Variants in BRAF observed in about 807,000 individuals in gnomAD.
BRAF encodes B-Raf proto-oncogene, serine/threonine kinase, also known as serine/threonine-protein kinase B-raf.
BRAF carries 16 observed loss-of-function variants against 104.6 expected under a neutral mutation model. The observed-to-expected ratio is 0.15, with a 90% confidence interval of 0.10 to 0.23. The LOEUF (loss-of-function observed/expected upper bound fraction) is 0.23. Ranked by LOEUF, BRAF falls within the 10% of genes least tolerant of loss-of-function variation. The pLI, the probability that BRAF is intolerant of heterozygous loss-of-function variation, is 1.00. For missense variants in BRAF, 541 were observed against 937.3 expected, an observed-to-expected ratio of 0.58 and a Z score of 5.52; for synonymous variants, 310 against 341.6, an observed-to-expected ratio of 0.91 and a Z score of 1.02.
In BRAF at chr7:140,842,066, G is replaced by A. The variant is rs372707228; in HGVS notation, c.241-7194C>T. Among the ~76,000 whole-genome samples the A allele has an allele frequency of 2.5e-3, 374 of 152,220 alleles. 3 individuals carry two copies. Among genetic ancestry groups the A allele is most frequent in the African/African-American group, 8.6e-3 (358 of 41,532 alleles). On this transcript the variant is annotated intron_variant, in intron 2 of 19. Coordinates refer to ENST00000644969, the MANE Select transcript of BRAF (RefSeq NM_001374258.1). ...ATAATGGACTGTTCTGCATTCCACA[G>A]GAAGCATCCAGCTTCCAGTATTAAT...
chr7:140,834,897 T>C, intron 2 of BRAF, 25 bp from the exon 3 acceptor site: 1 of 1,613,582 alleles, frequency 6.2e-7, no homozygotes. Context: ...AGACTTATAT[T>C]CAATCCGGAC....
chr7:140,826,531 T>C (rs1022937823), intron 3 of BRAF, among the ~76,000 whole-genome samples: 18 of 152,182 alleles, frequency 1.2e-4, no homozygotes, highest in Non-Finnish European at 5.9e-5. Context: ...GAGATAGAAA[T>C]GAAATAGTGG....
chr7:140,887,738 AG>A (rs1262705978), intron 1 of BRAF, among the ~76,000 whole-genome samples: 6 of 152,162 alleles, frequency 3.9e-5, no homozygotes, highest in African/African-American at 1.4e-4. Flanking sequence ...TTTGAGATGT[AG>A]GGTTTCACTC....
Position 140,783,372 on chromosome 7 carries a change from A to G in BRAF, c.1298-215T>C, listed in dbSNP as rs900557108. On this transcript the variant is annotated intron_variant, in intron 10 of 19. Coordinates refer to ENST00000644969, the MANE Select transcript of BRAF (RefSeq NM_001374258.1). ...TCTGGCCAATTTAATGACCTTTAAG[A>G]TATCTGATGATAGACATAGACACAT... 6 of 552,876 alleles carry G rather than the reference A, an allele frequency of 1.1e-5. No homozygotes were observed. In the African/African-American group the frequency reaches 1.1e-4, roughly 10 times the overall value. The allele number at this position is 552,876 out of a possible 1,614,324, so 34.2% of individuals were successfully genotyped here. A position where few individuals can be genotyped will look rare whatever the true frequency, so the allele number is the denominator to read the frequency against.
At chr7:140,911,734 G>A (rs933845709) in intron 1 of BRAF, among the ~76,000 whole-genome samples, 11 of 152,136 alleles carry the variant, frequency 7.2e-5, no homozygotes, top group African/African-American at 2.7e-4. Context: ...GTAAGTATTT[G>A]ATACAGAAAA....
At chr7:140,737,990 T>C (rs1409038937) in intron 18 of BRAF, among the ~76,000 whole-genome samples, 2 of 152,162 alleles carry the variant, frequency 1.3e-5, no homozygotes, top group Admixed American at 1.3e-4. Flanking sequence ...ATTATTAATG[T>C]CAATAAACAT....
At chr7:140,862,065 G>C (rs555468018) in intron 1 of BRAF, among the ~76,000 whole-genome samples, 1 of 152,260 alleles carries the variant, frequency 6.6e-6, no homozygotes, top group South Asian at 2.1e-4. Flanking sequence ...ATTTAGAAAA[G>C]AATCCTAGAC....
intron 1 of BRAF, among the ~76,000 whole-genome samples, chr7:140,900,261 T>C (rs1030781553): frequency 6.6e-6 from 1 of 152,278 alleles, no homozygotes; most frequent in African/African-American, 2.4e-5. Context: ...CTATTTTCAA[T>C]GTAGTCAAAT....
At chr7:140,814,683 A>C (rs1311640636) in intron 3 of BRAF, among the ~76,000 whole-genome samples, 1 of 146,972 alleles carries the variant, frequency 6.8e-6, no homozygotes, top group African/African-American at 2.5e-5. Context: ...TATATATATA[A>C]AATTCATATA....
intron 7 of BRAF, chr7:140,799,575 G>A (rs568087881): frequency 2.7e-4 from 62 of 232,192 alleles, no homozygotes; most frequent in Middle Eastern, 2.6e-3. Context: ...CTTTATATCT[G>A]TTGTTTCTCC....
chr7:140,827,351 G>A (rs1283411181), intron 3 of BRAF, among the ~76,000 whole-genome samples: 1 of 152,126 alleles, frequency 6.6e-6, no homozygotes, highest in Non-Finnish European at 1.5e-5. Context: ...TCTGTGCAGT[G>A]CCTGAGTGCT....
At chr7:140,765,370 A>C (rs1799202397) in intron 14 of BRAF, among the ~76,000 whole-genome samples, 1 of 151,982 alleles carries the variant, frequency 6.6e-6, no homozygotes, top group South Asian at 2.1e-4. Flanking sequence ...AGGCATTACC[A>C]TTCAGGACAT....
intron 14 of BRAF, among the ~76,000 whole-genome samples, chr7:140,763,324 C>A (rs1798959768): frequency 6.7e-6 from 1 of 149,156 alleles, no homozygotes; most frequent in African/African-American, 2.5e-5. Flanking sequence ...GGGCGGCTGG[C>A]CGGGCAGGGG....
At chr7:140,882,517 A>G (rs1813047487) in intron 1 of BRAF, among the ~76,000 whole-genome samples, 1 of 151,906 alleles carries the variant, frequency 6.6e-6, no homozygotes. Context: ...AGCTGGGACT[A>G]CAGGCGCACG....
At chr7:140,892,439 A>G (rs1049662041) in intron 1 of BRAF, among the ~76,000 whole-genome samples, 1 of 152,242 alleles carries the variant, frequency 6.6e-6, no homozygotes, top group Admixed American at 6.5e-5. Context: ...TAAAATACAG[A>G]AATCAAATAA....
At chr7:140,913,695 G>C (rs1388205947) in intron 1 of BRAF, among the ~76,000 whole-genome samples, 2 of 152,026 alleles carry the variant, frequency 1.3e-5, no homozygotes, top group Non-Finnish European at 2.9e-5. Context: ...TGTTGGCCAG[G>C]ATGGTCTCAA....
At chr7:140,896,065 G>C (rs1245208419) in intron 1 of BRAF, among the ~76,000 whole-genome samples, 1 of 151,724 alleles carries the variant, frequency 6.6e-6, no homozygotes. Context: ...TTAATTTTTT[G>C]TCTTTTTTAT....
At chr7:140,738,094 A>G (rs1796590952) in intron 18 of BRAF, among the ~76,000 whole-genome samples, 2 of 152,164 alleles carry the variant, frequency 1.3e-5, no homozygotes, top group Non-Finnish European at 2.9e-5. Flanking sequence ...TCACCAGGAC[A>G]GTCTCAACCC....
intron 13 of BRAF, 151 bp from the exon 13 acceptor site, chr7:140,777,239 A>G (rs1358497130): frequency 1.3e-6 from 1 of 771,880 alleles, no homozygotes; most frequent in African/African-American, 1.8e-5. Flanking sequence ...TTTAGAAGAG[A>G]CTGGCAATTG....
Sources: allele counts gnomAD v4.1 joint callset (sites outside exome capture counted in the v4.1 genomes callset), GRCh38; gene constraint gnomAD v4.1.1; transcripts MANE v1.5; gene names NCBI Gene and HGNC (gene_info 2026-07-23, HGNC 2026-07-21).